The following ATG4D variants were observed in gnomAD, a reference collection of about 807,000 sequenced individuals.
ATG4D encodes the protein cysteine protease ATG4D.
ATG4D carries 51 observed loss-of-function variants against 55.2 expected under a neutral mutation model. The observed-to-expected ratio is 0.92, with a 90% CI of 0.74 to 1.17. The LOEUF (loss-of-function observed/expected upper bound fraction) is 1.17, where lower values mean the gene tolerates loss of function less well. ATG4D is among the 50% of genes most tolerant of loss of function. The pLI is 0.00. For missense variants in ATG4D, 635 were observed against 649.6 expected (o/e 0.98, Z 0.25); for synonymous variants, 268 against 266.2 (o/e 1.01, Z -0.07).
Position 10,544,113 on chromosome 19 carries a change from C to T in ATG4D, c.23C>T (p.Ala8Val). 8.1e-7 allele frequency: 1 copy of T among 1,242,054 alleles called. No individual in the cohort carries two copies. Among genetic ancestry groups the T allele is most frequent in the Non-Finnish European group, 1.0e-6 (1 of 985,942 alleles). 76.9% of individuals were successfully genotyped at this position (1,242,054 alleles called of 1,614,324 possible). Residue 8 changes from alanine to valine, a missense_variant, in exon 1 of 10, where the codon GCC becomes GTC. Physicochemically the swap from Ala to Val is moderately conservative, Grantham distance 64. Transcript: ENST00000309469. MNSVSPA[A>V]AQYRSSSPED... ...TCCATGAACTCAGTGTCGCCGGCCG[C>T]CGCGCAGTACCGGAGCAGCAGCCCG...
chr19:10,546,705 T>C lies in ATG4D; in HGVS notation c.494-134T>C, dbSNP rs1261047059. 4.3e-6 allele frequency: 4 copies of C among 937,120 alleles called. No homozygotes were observed. In the African/African-American group the frequency reaches 5.0e-5, roughly 12 times the overall value. 58.1% of individuals were successfully genotyped at this position (937,120 alleles called of 1,614,324 possible). A position where few individuals can be genotyped will look rare whatever the true frequency, so the allele number is the denominator to read the frequency against. ...ATAAATAAATAAATAAGGATAAGTATATGTTTCAGGAATATGTAAATTCTG... is the reference window on the plus strand; with the variant it reads ...ATAAATAAATAAATAAGGATAAGTACATGTTTCAGGAATATGTAAATTCTG... On this transcript the variant is annotated intron_variant, in intron 3 of 9. Coordinates refer to ENST00000309469, the MANE Select transcript of ATG4D (RefSeq NM_032885.6).
intron 5 of ATG4D, among the ~76,000 whole-genome samples, chr19:10,547,626 GA>G (rs778363094): frequency 0.48 from 23,604 of 49,256 alleles, 3,756 homozygotes; most frequent in East Asian, 0.57. Context: ...GGATCCTGTC[GA>G]AAAAAAAAAA....
intron 6 of ATG4D, among the ~76,000 whole-genome samples, chr19:10,549,830 T>C (rs573441625): frequency 6.0e-4 from 92 of 152,304 alleles, no homozygotes; most frequent in African/African-American, 2.0e-3. Context: ...GTGTGCCTGC[T>C]GGGAGCAGAC....
intron 5 of ATG4D, among the ~76,000 whole-genome samples, chr19:10,548,497 T>TGGA (rs1240709960): frequency 6.6e-6 from 1 of 152,046 alleles, no homozygotes; most frequent in Non-Finnish European, 1.5e-5. Flanking sequence ...TAAATGGGAC[T>TGGA]GGAGGAGGAG....
At chr19:10,548,806 G>C in intron 5 of ATG4D, 98 bp from the exon 6 acceptor site, 1 of 1,513,048 alleles carries the variant, frequency 6.6e-7, no homozygotes, top group South Asian at 1.3e-5. Context: ...TGCCCTCTGA[G>C]AAATTGCACG....
At chr19:10,551,622 C>T (rs1301898265) in intron 6 of ATG4D, among the ~76,000 whole-genome samples, 1 of 147,344 alleles carries the variant, frequency 6.8e-6, no homozygotes, top group African/African-American at 2.5e-5. Flanking sequence ...ATCGCTTGAA[C>T]TTAGGAGGCG....
intron 6 of ATG4D, 78 bp from the exon 7 acceptor site, chr19:10,551,819 G>C: frequency 7.2e-7 from 1 of 1,389,950 alleles, no homozygotes; most frequent in Non-Finnish European, 1.0e-6. Flanking sequence ...CCAGAGGCTG[G>C]GTTCTCACAG....
At chr19:10,552,792 G>A in intron 9 of ATG4D, 93 bp from the exon 10 acceptor site, 1 of 1,333,142 alleles carries the variant, frequency 7.5e-7, no homozygotes, top group Non-Finnish European at 1.0e-6. Flanking sequence ...CTCCTGGAGA[G>A]GTGGTCCTGA....
At chr19:10,550,437 C>G (rs533534995) in intron 6 of ATG4D, among the ~76,000 whole-genome samples, 1 of 152,302 alleles carries the variant, frequency 6.6e-6, no homozygotes, top group East Asian at 1.9e-4. Flanking sequence ...GCAAAAGGAA[C>G]AGCAAGACAG....
At chr19:10,552,750 C>A in intron 9 of ATG4D, 135 bp from the exon 10 acceptor site, 1 of 930,228 alleles carries the variant, frequency 1.1e-6, no homozygotes, top group Non-Finnish European at 1.6e-6. Context: ...ATCACTGTGG[C>A]CAGGGGATGG....
chr19:10,553,228 C>CTGT lies in ATG4D; in HGVS notation c.*161_*162insTGT. 1 of 922,650 alleles carries CTGT rather than the reference C, an allele frequency of 1.1e-6. No individual in the cohort carries two copies. The highest frequency in any genetic ancestry group is 1.6e-6 in the Non-Finnish European group (1 of 637,266). The allele number at this position is 922,650 out of a possible 1,614,324, so 57.2% of individuals were successfully genotyped here. A position where few individuals can be genotyped will look rare whatever the true frequency, so the allele number is the denominator to read the frequency against. On this transcript the variant is annotated 3_prime_UTR_variant, in exon 10 of 10. Transcript: ENST00000309469. ...GGGGCCATTCAGCCAGGGACAGAGC[C>CTGT]CACAGAGCCCATACACCTGTCTCCC...
intron 6 of ATG4D, among the ~76,000 whole-genome samples, chr19:10,549,254 G>A (rs575087960): frequency 6.6e-6 from 1 of 152,058 alleles, no homozygotes; most frequent in East Asian, 1.9e-4. Context: ...CTCCCAAGTA[G>A]TTAGGATTAC....
At chr19:10,551,821 T>C (rs1338145935) in intron 6 of ATG4D, 76 bp from the exon 7 acceptor site, 5 of 1,413,112 alleles carry the variant, frequency 3.5e-6, no homozygotes, top group Non-Finnish European at 5.0e-6. Flanking sequence ...AGAGGCTGGG[T>C]TCTCACAGAG....
At chr19:10,544,372 G>A (rs775187938) in intron 1 of ATG4D, 47 bp downstream of exon 1, 2 of 1,281,756 alleles carry the variant, frequency 1.6e-6, no homozygotes, top group African/African-American at 1.5e-5. Flanking sequence ...GGCCGTTGAG[G>A]AAAACCAGAC....
Position 10,547,178 on chromosome 19 carries a change from C to A in ATG4D, c.771-11C>A. On this transcript the variant is annotated splice_polypyrimidine_tract_variant and intron_variant, in intron 4 of 9. Coordinates refer to ENST00000309469, the MANE Select transcript of ATG4D (RefSeq NM_032885.6). ...ACCCGCAGGCACTCAGGCCTTCCCT[C>A]CTGCCCCCAGGAAAGCCGTGGAGAG... 1 of 1,613,824 alleles carries A rather than the reference C, an allele frequency of 6.2e-7. No homozygotes were observed. Among genetic ancestry groups the A allele is most frequent in the South Asian group, 1.1e-5 (1 of 91,018 alleles).
chr19:10,553,213 A>G lies in ATG4D; in HGVS notation c.*146A>G, dbSNP rs1311301683. ...AGCTGCAACCAGTCTGGGGCCATTC[A>G]GCCAGGGACAGAGCCCACAGAGCCC... is the stretch of plus-strand genomic sequence containing the variant. On this transcript the variant is annotated 3_prime_UTR_variant, in exon 10 of 10. Transcript: ENST00000309469. 1 of 1,041,398 alleles carries G rather than the reference A, an allele frequency of 9.6e-7. No individual in the cohort carries two copies. Among genetic ancestry groups the G allele is most frequent in the Non-Finnish European group, 1.3e-6 (1 of 741,716 alleles). 64.5% of individuals were successfully genotyped at this position (1,041,398 alleles called of 1,614,324 possible).
intron 3 of ATG4D, 118 bp downstream of exon 3, chr19:10,545,248 A>G (rs1915997483): frequency 7.4e-7 from 1 of 1,349,410 alleles, no homozygotes. Flanking sequence ...GTGTCAAGTA[A>G]GTTTTGGAGA....
At position 10,552,058 on chromosome 19, in the gene ATG4D, G is replaced by C; in HGVS notation, c.1059G>C (p.Leu353=). The C allele has an allele frequency of 1.2e-6, 2 of 1,610,656 alleles. No homozygotes were observed. The highest frequency in any genetic ancestry group is 8.5e-7 in the Non-Finnish European group (1 of 1,179,736). The change falls in exon 8 of 10, where the codon CTG becomes CTC. Residue 353 remains leucine, a synonymous_variant. Coordinates refer to ENST00000309469, the MANE Select transcript of ATG4D (RefSeq NM_032885.6). ...CACCCCCTGCAGATGACTTCCTGCT[G>C]TACCTGGACCCTCACTACTGCCAGC... ...YFIGYQDDFL[L]YLDPHYCQPT...
Position 10,544,048 on chromosome 19 carries a change from C to T in ATG4D, c.-43C>T. On this transcript the variant is annotated 5_prime_UTR_variant, in exon 1 of 10. Coordinates refer to ENST00000309469, the MANE Select transcript of ATG4D (RefSeq NM_032885.6). ...GGTCGCCCTTGGGGGGCAGCGGCCGCAGCCCCCCACCTGGGCCCTCGGTCC... is the reference window on the plus strand; with the variant it reads ...GGTCGCCCTTGGGGGGCAGCGGCCGTAGCCCCCCACCTGGGCCCTCGGTCC... 1 of 1,211,330 alleles carries T rather than the reference C, an allele frequency of 8.3e-7. No individual in the cohort carries two copies. Among genetic ancestry groups the T allele is most frequent in the Non-Finnish European group, 1.0e-6 (1 of 968,550 alleles). The allele number at this position is 1,211,330 out of a possible 1,614,324, so 75.0% of individuals were successfully genotyped here. A position where few individuals can be genotyped will look rare whatever the true frequency, so the allele number is the denominator to read the frequency against.
Sources: allele counts gnomAD v4.1 joint callset (sites outside exome capture counted in the v4.1 genomes callset), GRCh38; gene constraint gnomAD v4.1.1; transcripts MANE v1.5; gene names NCBI Gene and HGNC (gene_info 2026-07-23, HGNC 2026-07-21).